Variants in SPTLC1 observed in about 807,000 individuals in gnomAD.
SPTLC1 encodes the protein serine palmitoyltransferase 1.
SPTLC1 carries 55 observed loss-of-function variants against 68.9 expected under a neutral mutation model. The ratio of observed to expected loss-of-function variants is 0.80; its 90% CI spans 0.64 to 1.00. SPTLC1 has a LOEUF of 1.00. Among genes scored for constraint, SPTLC1 ranks in the 50% least tolerant of loss-of-function variants. The probability of loss-of-function intolerance (pLI) is 0.00; values close to 1 mark genes in which losing one functional copy is unlikely to be tolerated. For missense variants in SPTLC1, 449 were observed against 573.1 expected (o/e 0.78, Z 2.21); for synonymous variants, 197 against 201.6 (o/e 0.98, Z 0.19).
At chr9:92,100,073 G>T (rs1451087819) in intron 3 of SPTLC1, among the ~76,000 whole-genome samples, 1 of 149,704 alleles carries the variant, frequency 6.7e-6, no homozygotes, top group Non-Finnish European at 1.5e-5. Flanking sequence ...GGAAAAAAAA[G>T]TCAAGAAGAA....
chr9:92,115,000 GT>G, intron 1 of SPTLC1: 1 of 461,848 alleles, frequency 2.2e-6, no homozygotes, highest in South Asian at 2.3e-5. Flanking sequence ...CCGTTTTATC[GT>G]CCGTCTAAAC....
intron 12 of SPTLC1, among the ~76,000 whole-genome samples, chr9:92,043,749 T>C (rs1465742221): frequency 1.3e-5 from 2 of 152,218 alleles, no homozygotes; most frequent in Non-Finnish European, 2.9e-5. Context: ...GTCTCCCTGC[T>C]TCTGTTCTTA....
intron 7 of SPTLC1, among the ~76,000 whole-genome samples, 153 bp from the exon 8 acceptor site, chr9:92,055,647 A>T (rs1459712706): frequency 6.6e-6 from 1 of 152,208 alleles, no homozygotes; most frequent in Non-Finnish European, 1.5e-5. Context: ...GGTTATTTTG[A>T]GATGAACAAC....
chr9:92,041,749 A>T lies in SPTLC1; in HGVS notation c.1137-3384T>A, dbSNP rs560631746. Among the ~76,000 whole-genome samples the T allele has an allele frequency of 3.9e-5, 6 of 152,390 alleles. No individual in the cohort carries two copies. In the East Asian group the frequency reaches 1.2e-3, roughly 29 times the overall value. On this transcript the variant is annotated intron_variant, in intron 12 of 14. Coordinates refer to ENST00000262554, the MANE Select transcript of SPTLC1 (RefSeq NM_006415.4). ...AAAATATTAGCTAAATAAATCTAAC[A>T]GTGTAGAAAAAGATATTATAATGAA... is the stretch of plus-strand genomic sequence containing the variant.
At chr9:92,094,328 AATG>A (rs1282458318) in intron 3 of SPTLC1, among the ~76,000 whole-genome samples, 13 of 152,242 alleles carry the variant, frequency 8.5e-5, no homozygotes, top group African/African-American at 2.7e-4. Flanking sequence ...ATTAAAATAC[AATG>A]ATGTTTTCTT....
intron 5 of SPTLC1, among the ~76,000 whole-genome samples, chr9:92,071,163 G>A (rs1484566077): frequency 6.6e-6 from 1 of 150,582 alleles, no homozygotes. Context: ...GCCGAGGCAG[G>A]AGGATCACCT....
Position 92,032,221 on chromosome 9 carries a change from A to T in SPTLC1, c.*244T>A. The T allele has an allele frequency of 1.4e-6, 2 of 1,396,746 alleles. No homozygotes were observed. The highest frequency in any genetic ancestry group is 1.9e-6 in the Non-Finnish European group (2 of 1,041,198). 86.5% of individuals were successfully genotyped at this position (1,396,746 alleles called of 1,614,324 possible). ...TAAATGCACAATTTAAACATCAGTT[A>T]TACACTGTCATTAGTTTTCCTCTTA... On this transcript the variant is annotated 3_prime_UTR_variant, in exon 15 of 15. Transcript: ENST00000262554.
At chr9:92,033,135 C>T (rs1833029052) in intron 14 of SPTLC1, among the ~76,000 whole-genome samples, 1 of 152,206 alleles carries the variant, frequency 6.6e-6, no homozygotes, top group Non-Finnish European at 1.5e-5. Context: ...CTACACCACA[C>T]CAGTGCACAC....
At chr9:92,089,525 C>T (rs1835280635) in intron 3 of SPTLC1, among the ~76,000 whole-genome samples, 1 of 151,936 alleles carries the variant, frequency 6.6e-6, no homozygotes, top group South Asian at 2.1e-4. Context: ...GATTAAATAC[C>T]CCATCAGACA....
rs199609730 is a variant in SPTLC1, at chr9:92,047,657, T to G, written c.940A>C (p.Ile314Leu). ...SANMENALAS[I>L]GGFCCGRSFV... ...GACCTGCCACAGCAGAAACCTCCAA[T>G]AGAAGCAAGTGCATTCTCCATGTTG... Residue 314 changes from isoleucine to leucine, a missense_variant, in exon 10 of 15, where the codon ATT (isoleucine) becomes CTT (leucine). Physicochemically the swap from Ile to Leu is conservative, Grantham distance 5. Transcript: ENST00000262554. 1.9e-6 allele frequency: 3 copies of G among 1,613,920 alleles called. No homozygotes were observed. The highest frequency in any genetic ancestry group is 8.5e-7 in the Non-Finnish European group (1 of 1,179,898).
chr9:92,057,505 A>G (rs889206743), intron 7 of SPTLC1, among the ~76,000 whole-genome samples: 2 of 152,244 alleles, frequency 1.3e-5, no homozygotes, highest in Non-Finnish European at 2.9e-5. Flanking sequence ...GACTATTACT[A>G]TTAAAAACAT....
At chr9:92,041,217 G>C (rs532740197) in intron 12 of SPTLC1, among the ~76,000 whole-genome samples, 1 of 152,160 alleles carries the variant, frequency 6.6e-6, no homozygotes, top group Non-Finnish European at 1.5e-5. Flanking sequence ...TCAGAGATGA[G>C]AGAAGTGAGA....
rs1277639875 is a variant in SPTLC1 at position 92,032,436 on chromosome 9, G to A, written c.*29C>T. ...CTTGAGTCCTCTCTGCGTGTTGTGT[G>A]GCAGGAGGCCATGGTCCCGGGACTC... is the stretch of plus-strand genomic sequence containing the variant. On this transcript the variant is annotated 3_prime_UTR_variant, in exon 15 of 15. Transcript: ENST00000262554. 6.2e-7 allele frequency: 1 copy of A among 1,614,112 alleles called. No individual in the cohort carries two copies. Among genetic ancestry groups the A allele is most frequent in the Admixed American group, 1.7e-5 (1 of 60,028 alleles).
intron 1 of SPTLC1, chr9:92,114,991 C>G: frequency 2.2e-6 from 1 of 450,498 alleles, no homozygotes; most frequent in South Asian, 2.3e-5. Context: ...TTCACCACTC[C>G]GTTTTATCGT....
intron 3 of SPTLC1, among the ~76,000 whole-genome samples, chr9:92,102,136 A>T (rs972314718): frequency 5.3e-5 from 8 of 152,246 alleles, no homozygotes. Flanking sequence ...TGATATATTC[A>T]AAGTGCTAAT....
intron 6 of SPTLC1, among the ~76,000 whole-genome samples, chr9:92,060,900 G>A (rs576065354): frequency 3.6e-4 from 51 of 141,692 alleles, no homozygotes; most frequent in African/African-American, 5.4e-4. Flanking sequence ...GTGACAGAGC[G>A]AGACTCTGTC....
chr9:92,111,485 A>G (rs10119342), intron 2 of SPTLC1: 95,140 of 151,956 alleles, frequency 0.63, 32,089 homozygotes, highest in African/African-American at 0.88. Flanking sequence ...CCCCTATACG[A>G]ACTTCACCTA....
At chr9:92,071,227 T>TAAAAAAA (rs777594686) in intron 5 of SPTLC1, among the ~76,000 whole-genome samples, 1 of 101,214 alleles carries the variant, frequency 9.9e-6, no homozygotes. Flanking sequence ...CTATCTCTAC[T>TAAAAAAA]AAAAAAAAAA....
At chr9:92,065,042 T>G (rs1285396172) in intron 6 of SPTLC1, among the ~76,000 whole-genome samples, 6 of 152,366 alleles carry the variant, frequency 3.9e-5, no homozygotes, top group Admixed American at 2.6e-4. Context: ...GTCAATATCC[T>G]GGCTGTGAAA....
Sources: allele counts gnomAD v4.1 joint callset (sites outside exome capture counted in the v4.1 genomes callset), GRCh38; gene constraint gnomAD v4.1.1; transcripts MANE v1.5; gene names NCBI Gene and HGNC (gene_info 2026-07-23, HGNC 2026-07-21).